The following DPYD variants were observed in gnomAD, a reference collection of about 807,000 sequenced individuals.
The protein encoded by DPYD is dihydropyrimidine dehydrogenase, also known as dihydropyrimidine dehydrogenase [NADP(+)].
Under a neutral mutation model 116.2 loss-of-function variants are expected in DPYD, and 109 were observed. That is an observed-to-expected ratio of 0.94 (90% confidence interval 0.80 to 1.10). The LOEUF (loss-of-function observed/expected upper bound fraction) is 1.10, where lower values mean the gene tolerates loss of function less well. Ranked by LOEUF, DPYD falls within the 50% of genes least tolerant of loss-of-function variation. The pLI is 0.00. For missense variants in DPYD, 1,302 were observed against 1,254.5 expected (o/e 1.04, Z -0.57); for synonymous variants, 440 against 432.0 (o/e 1.02, Z -0.23).
chr1:97,513,487 TATG>T (rs1443023625), intron 13 of DPYD, among the ~76,000 whole-genome samples: 2 of 151,810 alleles, frequency 1.3e-5, no homozygotes, highest in Admixed American at 6.6e-5. Flanking sequence ...TAATATTTCA[TATG>T]ATAACAAAAC....
At position 97,167,165 on chromosome 1, in the gene DPYD, T is replaced by C. The variant is rs192644687; in HGVS notation, c.2622+25904A>G. ...TCAAAGCCTTTCAGAAGATATCCCA[T>C]TAAAAGTGTACATTTTTCAAAAGTT... is the stretch of plus-strand genomic sequence containing the variant. On this transcript the variant is annotated intron_variant, in intron 20 of 22. Transcript: ENST00000370192. 4.6e-5 allele frequency among the ~76,000 whole-genome samples: 7 copies of C among 152,292 alleles called. No individual in the cohort carries two copies. In the East Asian group the frequency reaches 1.4e-3, roughly 29 times the overall value.
chr1:97,141,241 C>T (rs190747545), intron 20 of DPYD, among the ~76,000 whole-genome samples: 14 of 152,220 alleles, frequency 9.2e-5, no homozygotes, highest in East Asian at 5.8e-4. Flanking sequence ...AAGCGAGGCA[C>T]GAGGTGCATA....
intron 19 of DPYD, among the ~76,000 whole-genome samples, chr1:97,219,491 C>G (rs191071668): frequency 6.6e-6 from 1 of 152,062 alleles, no homozygotes; most frequent in African/African-American, 2.4e-5. Context: ...AGAACATGTG[C>G]TTTGGAGACA....
At chr1:97,242,124 GTATATATATATATATATATATA>G (rs71590220) in intron 18 of DPYD, among the ~76,000 whole-genome samples, 8 of 35,860 alleles carry the variant, frequency 2.2e-4, no homozygotes, top group Non-Finnish European at 3.4e-4. Context: ...GTGTGCGTGT[GTATATATATATATATATATATA>G]TATATATATA....
chr1:97,759,157 G>T (rs1665433634), intron 3 of DPYD, among the ~76,000 whole-genome samples: 1 of 152,062 alleles, frequency 6.6e-6, no homozygotes, highest in Non-Finnish European at 1.5e-5. Flanking sequence ...CTTACTTGCT[G>T]CCCAGTCTGT....
chr1:97,322,204 T>C (rs952032095), intron 16 of DPYD, among the ~76,000 whole-genome samples: 19 of 148,400 alleles, frequency 1.3e-4, no homozygotes, highest in Non-Finnish European at 2.7e-4. Context: ...CTGCACAATG[T>C]GCACATGTAC....
chr1:97,377,494 C>T (rs930387660), intron 15 of DPYD, among the ~76,000 whole-genome samples: 4 of 152,144 alleles, frequency 2.6e-5, no homozygotes, highest in African/African-American at 9.7e-5. Context: ...GATAACTCAC[C>T]TGGTCCTACA....
At chr1:97,285,120 T>C (rs1665580832) in intron 18 of DPYD, among the ~76,000 whole-genome samples, 1 of 152,192 alleles carries the variant, frequency 6.6e-6, no homozygotes, top group South Asian at 2.1e-4. Context: ...CTTTTCCTCC[T>C]TGCCTTGACC....
intron 13 of DPYD, among the ~76,000 whole-genome samples, chr1:97,467,734 A>G (rs986317257): frequency 3.3e-5 from 5 of 152,204 alleles, no homozygotes; most frequent in Non-Finnish European, 7.3e-5. Context: ...CAACAAAGCA[A>G]ACTTTTGACC....
At chr1:97,325,421 T>G (rs1456844549) in intron 16 of DPYD, among the ~76,000 whole-genome samples, 2 of 152,040 alleles carry the variant, frequency 1.3e-5, no homozygotes, top group Non-Finnish European at 2.9e-5. Context: ...GCTTTTTCCT[T>G]TTTTTGAAAG....
At chr1:97,824,740 T>A (rs1476125545) in intron 3 of DPYD, among the ~76,000 whole-genome samples, 1 of 152,224 alleles carries the variant, frequency 6.6e-6, no homozygotes, top group East Asian at 1.9e-4. Context: ...AGAAGGTTAT[T>A]CAGAATTTTA....
chr1:97,784,880 C>G (rs139047258), intron 3 of DPYD, among the ~76,000 whole-genome samples: 1 of 152,110 alleles, frequency 6.6e-6, no homozygotes, highest in African/African-American at 2.4e-5. Context: ...AATTTTATGT[C>G]CAGAAGAATT....
At chr1:97,574,779 T>C (rs986982303) in intron 10 of DPYD, among the ~76,000 whole-genome samples, 7 of 152,186 alleles carry the variant, frequency 4.6e-5, no homozygotes, top group Admixed American at 1.3e-4. Flanking sequence ...TTGAATGTTC[T>C]TTTTTTAAAA....
rs1553237979 is a variant in DPYD, at chr1:97,229,587, T to TAA, written c.2442+5264_2442+5265insTT. On this transcript the variant is annotated intron_variant, in intron 19 of 22. Coordinates refer to ENST00000370192, the MANE Select transcript of DPYD (RefSeq NM_000110.4). Reference sequence around the variant, plus strand: ...ATATATATATATATATATATATATATATACTGATTTTAATTCATACTTTAG... The same window carrying TAA: ...ATATATATATATATATATATATATATAAATACTGATTTTAATTCATACTTTAG... Among the ~76,000 whole-genome samples the TAA allele has an allele frequency of 2.7e-3, 173 of 64,660 alleles. 5 individuals are homozygous for TAA. The highest frequency in any genetic ancestry group is 9.4e-3 in the African/African-American group (163 of 17,282). 42.4% of individuals were successfully genotyped at this position (64,660 alleles called of 152,430 possible). A position where few individuals can be genotyped will look rare whatever the true frequency, so the allele number is the denominator to read the frequency against.
intron 20 of DPYD, among the ~76,000 whole-genome samples, chr1:97,173,433 C>G (rs1004235106): frequency 6.8e-6 from 1 of 146,424 alleles, no homozygotes; most frequent in Non-Finnish European, 1.5e-5. Flanking sequence ...TGTGTATATA[C>G]GTACATATAT....
At chr1:97,162,595 A>G (rs1656008725) in intron 20 of DPYD, among the ~76,000 whole-genome samples, 1 of 152,064 alleles carries the variant, frequency 6.6e-6, no homozygotes, top group African/African-American at 2.4e-5. Context: ...CCATCAAGCT[A>G]CCAATGACTT....
At chr1:97,111,977 A>T (rs930655275) in intron 20 of DPYD, among the ~76,000 whole-genome samples, 6 of 152,090 alleles carry the variant, frequency 3.9e-5, no homozygotes, top group African/African-American at 1.2e-4. Flanking sequence ...ATTTATATAA[A>T]TTGTATAGAG....
intron 3 of DPYD, among the ~76,000 whole-genome samples, chr1:97,741,626 T>C (rs1399977741): frequency 2.6e-5 from 4 of 152,204 alleles, no homozygotes; most frequent in Non-Finnish European, 5.9e-5. Flanking sequence ...CATTTATTCA[T>C]TTATTTAATA....
intron 20 of DPYD, among the ~76,000 whole-genome samples, chr1:97,178,466 G>T (rs1362220174): frequency 2.0e-5 from 3 of 152,124 alleles, no homozygotes; most frequent in African/African-American, 7.2e-5. Flanking sequence ...GCAGGCAAGA[G>T]ATGAGTGAAG....
Sources: allele counts gnomAD v4.1 joint callset (sites outside exome capture counted in the v4.1 genomes callset), GRCh38; gene constraint gnomAD v4.1.1; transcripts MANE v1.5; gene names NCBI Gene and HGNC (gene_info 2026-07-23, HGNC 2026-07-21).